REPS1: variants seen among roughly 807,000 people sequenced by gnomAD.
REPS1 encodes RALBP1 associated Eps domain containing 1, also known as ralBP1-associated Eps domain-containing protein 1.
In REPS1, 39 loss-of-function variants were observed where a neutral mutation model predicts 100.9. That is an observed-to-expected ratio of 0.39 (90% CI 0.30 to 0.50). REPS1 has a LOEUF of 0.50. REPS1 is among the 20% of genes least tolerant of loss of function. The pLI is 0.86. For synonymous variants in REPS1, 324 were observed against 340.3 expected (o/e 0.95, Z 0.53); for missense variants, 821 against 968.5 (o/e 0.85, Z 2.02).
At chr6:138,906,746 T>C (rs1332226408) in intron 19 of REPS1, among the ~76,000 whole-genome samples, 1 of 152,176 alleles carries the variant, frequency 6.6e-6, no homozygotes, top group East Asian at 1.9e-4. Context: ...GCCTGGAAGC[T>C]TAGGAGAAAT....
At position 138,974,851 on chromosome 6, in the gene REPS1, A is replaced by G. The variant is rs149987865; in HGVS notation, c.153+12679T>C. ...TAAAAAATACAAAAATTAGCTGGGC[A>G]TGGTGGCATGTGCCTGTAGTCCTAG... On this transcript the variant is annotated intron_variant, in intron 1 of 19. Transcript: ENST00000450536. Among the ~76,000 whole-genome samples, 1,150 of 152,224 alleles carry G rather than the reference A, an allele frequency of 7.6e-3. 9 individuals are homozygous for G. The highest frequency in any genetic ancestry group is 0.026 in the African/African-American group (1,062 of 41,534).
chr6:138,912,873 T>C lies in REPS1; in HGVS notation c.1863A>G (p.Ile621Met), dbSNP rs755868048. ...AATCTGCAAAATTTGGTTGCTCTGG[T>C]ATCTGCTGAGGTGAGGTACTAGTGT... ...ITHTSTSPQQ[I>M]PEQPNFADFS... Residue 621 changes from isoleucine to methionine, a missense_variant, in exon 16 of 20, where the codon ATA (isoleucine) becomes ATG (methionine). Ile to Met is a conservative substitution (Grantham distance 10, BLOSUM62 1). This residue lies in a region of REPS1 where 757 missense variants were observed against 866.4 expected (regional missense o/e 0.87). Transcript: ENST00000450536. The C allele has an allele frequency of 6.2e-7, 1 of 1,614,160 alleles. No individual in the cohort carries two copies. Among genetic ancestry groups the C allele is most frequent in the Non-Finnish European group, 8.5e-7 (1 of 1,180,026 alleles).
chr6:138,939,225 G>A (rs192732557), intron 8 of REPS1, among the ~76,000 whole-genome samples: 45 of 152,218 alleles, frequency 3.0e-4, no homozygotes, highest in Non-Finnish European at 2.1e-4. Flanking sequence ...ATATAATACC[G>A]TGTGATCCAA....
intron 1 of REPS1, among the ~76,000 whole-genome samples, chr6:138,959,679 C>T (rs1783616643): frequency 6.6e-6 from 1 of 152,166 alleles, no homozygotes; most frequent in South Asian, 2.1e-4. Context: ...GTCACTATAA[C>T]TTCTATTGTT....
At chr6:138,952,405 T>C (rs748738600) in intron 1 of REPS1, among the ~76,000 whole-genome samples, 3 of 152,038 alleles carry the variant, frequency 2.0e-5, no homozygotes, top group Non-Finnish European at 4.4e-5. Context: ...TTTTTCTTTT[T>C]TTTTTTCCTC....
rs1554282171 is a variant in REPS1 at position 138,907,297 on chromosome 6, T to TA, written c.2322+197dup. 7.7e-3 allele frequency: 1,306 copies of TA among 170,144 alleles called. 7 individuals are homozygous for TA. Among genetic ancestry groups the TA allele is most frequent in the East Asian group, 0.027 (326 of 12,224 alleles). The allele number at this position is 170,144 out of a possible 1,614,324, so 10.5% of individuals were successfully genotyped here. On this transcript the variant is annotated intron_variant, in intron 19 of 19. Transcript: ENST00000450536. ...GTGATAGAGCGAGATCGTGTCTCTT[T>TA]AAAAAAAAAAAAAAAAGTGTGTGTG...
At chr6:138,930,234 T>A in intron 8 of REPS1, 136 bp from the exon 9 acceptor site, 3 of 662,608 alleles carry the variant, frequency 4.5e-6, no homozygotes, top group Non-Finnish European at 7.4e-6. Flanking sequence ...TTTCCTCATG[T>A]TCTCAGAGTA....
At position 138,987,595 on chromosome 6, in the gene REPS1, C is replaced by G; in HGVS notation, c.88G>C (p.Val30Leu). The change falls in exon 1 of 20, where the codon GTG (valine) becomes CTG (leucine). Residue 30 changes from valine (V) to leucine (L), a missense_variant. Transcript: ENST00000450536. ...AGCTCCAGCACCCGCCCGTTGACCA[C>G]CACCTTCTTGGTGCTCTCAATGTCG... is the stretch of plus-strand genomic sequence containing the variant. ...YCDIESTKKV[V>L]VNGRVLELFR... 1 of 1,551,134 alleles carries G rather than the reference C, an allele frequency of 6.4e-7. No individual in the cohort carries two copies. The highest frequency in any genetic ancestry group is 2.0e-5 in the Admixed American group (1 of 50,996).
chr6:138,928,252 T>C (rs1781267050), intron 9 of REPS1: 1 of 152,176 alleles, frequency 6.6e-6, no homozygotes, highest in Admixed American at 6.5e-5. Flanking sequence ...TTTTGTATTG[T>C]TTTTTAAACA....
chr6:138,911,689 C>T (rs1202799408), intron 16 of REPS1, among the ~76,000 whole-genome samples: 1 of 147,188 alleles, frequency 6.8e-6, no homozygotes, highest in African/African-American at 2.6e-5. Context: ...GGCGAGGATG[C>T]AGGTAATAGA....
At chr6:138,945,815 G>T in intron 2 of REPS1, 118 bp from the exon 3 acceptor site, 1 of 793,454 alleles carries the variant, frequency 1.3e-6, no homozygotes, top group Non-Finnish European at 1.8e-6. Flanking sequence ...GAAACAAGAG[G>T]CACAAAATGT....
chr6:138,909,036 A>C (rs544953214), intron 17 of REPS1: 10 of 498,618 alleles, frequency 2.0e-5, no homozygotes, highest in East Asian at 3.7e-5. Flanking sequence ...CTGCAATATA[A>C]GTATTTTTAG....
At chr6:138,930,498 G>GAAA (rs1781422943) in intron 8 of REPS1, among the ~76,000 whole-genome samples, 1 of 152,108 alleles carries the variant, frequency 6.6e-6, no homozygotes, top group Non-Finnish European at 1.5e-5. Context: ...AAGTAAGTTT[G>GAAA]GGGAAACAAT....
intron 16 of REPS1, 82 bp from the exon 17 acceptor site, chr6:138,911,453 TA>T: frequency 1.1e-6 from 1 of 912,386 alleles, no homozygotes; most frequent in Non-Finnish European, 1.7e-6. Flanking sequence ...CAAATCAGAA[TA>T]AAATGTTAAA....
intron 1 of REPS1, among the ~76,000 whole-genome samples, chr6:138,971,621 G>T (rs996586806): frequency 6.6e-6 from 1 of 152,154 alleles, no homozygotes; most frequent in Non-Finnish European, 1.5e-5. Flanking sequence ...AAGGGAAAAA[G>T]ATCCTGAAAG....
intron 8 of REPS1, among the ~76,000 whole-genome samples, chr6:138,933,938 A>T (rs1037265281): frequency 1.3e-5 from 2 of 151,912 alleles, no homozygotes; most frequent in Non-Finnish European, 2.9e-5. Flanking sequence ...GACGACGACA[A>T]CAACAACAAA....
chr6:138,944,694 C>T (rs1173021903), intron 4 of REPS1, 72 bp from the exon 5 acceptor site: 3 of 1,436,032 alleles, frequency 2.1e-6, no homozygotes, highest in East Asian at 2.3e-5. Flanking sequence ...TTCTTTCCAA[C>T]TCTTACTCTG....
intron 1 of REPS1, among the ~76,000 whole-genome samples, chr6:138,979,795 G>A (rs1355076197): frequency 2.0e-5 from 3 of 152,100 alleles, no homozygotes; most frequent in Admixed American, 2.0e-4. Context: ...GCATTCCTCA[G>A]GATTCCAGTT....
At chr6:138,985,225 C>T (rs1221344145) in intron 1 of REPS1, among the ~76,000 whole-genome samples, 2 of 152,140 alleles carry the variant, frequency 1.3e-5, no homozygotes, top group Non-Finnish European at 2.9e-5. Flanking sequence ...CCCCTCACTC[C>T]ACCCTAATTT....
Sources: allele counts gnomAD v4.1 joint callset (sites outside exome capture counted in the v4.1 genomes callset), GRCh38; gene constraint gnomAD v4.1.1; regional missense constraint gnomAD v4.1.1; transcripts MANE v1.5; gene names NCBI Gene and HGNC (gene_info 2026-07-23, HGNC 2026-07-21).